The following NRDE2 variants were observed in gnomAD, a reference collection of about 807,000 sequenced individuals.
NRDE2 encodes the protein NRDE-2, necessary for RNA interference, domain containing.
NRDE2 carries 76 observed loss-of-function variants against 124.2 expected under a neutral mutation model. That is an observed-to-expected ratio of 0.61 (90% confidence interval 0.51 to 0.74). The LOEUF (loss-of-function observed/expected upper bound fraction) is 0.74. Ranked by LOEUF, NRDE2 falls within the 30% of genes least tolerant of loss-of-function variation. The pLI, the probability that NRDE2 is intolerant of heterozygous loss-of-function variation, is 0.00. For synonymous variants in NRDE2, 489 were observed against 528.1 expected, an observed-to-expected ratio of 0.93 and a Z score of 1.01; for missense variants, 1,314 against 1,417.3, an observed-to-expected ratio of 0.93 and a Z score of 1.17.
Position 90,326,517 on chromosome 14 carries a change from AAGAGAG to A in NRDE2, c.64+5318_64+5323del, listed in dbSNP as rs1555362500. On this transcript the variant is annotated intron_variant, in intron 1 of 13. Transcript: ENST00000354366. ...CTCTGTCTCAAAAAAAAAAAAAAAA[AAGAGAG>A]AGGGAAAATGTAGTTGCTCTTATAG... Among the ~76,000 whole-genome samples, 134 of 151,504 alleles carry A rather than the reference AAGAGAG, an allele frequency of 8.8e-4. 1 individual carries two copies. The highest frequency in any genetic ancestry group is 3.1e-3 in the African/African-American group (130 of 41,308).
At chr14:90,301,130 ACCACACCACCTCTCATTAT>A (rs947984378) in intron 7 of NRDE2, 90 bp downstream of exon 7, 79 of 1,104,098 alleles carry the variant, frequency 7.2e-5, no homozygotes, top group African/African-American at 2.6e-4. Context: ...TAAAAACACT[ACCACACCACCTCTCATTAT>A]CCACACCACC....
intron 8 of NRDE2, among the ~76,000 whole-genome samples, chr14:90,296,806 T>C (rs540370019): frequency 6.6e-6 from 1 of 152,256 alleles, no homozygotes; most frequent in South Asian, 2.1e-4. Context: ...TGCTGTCCAA[T>C]ACGTCACCAT....
chr14:90,304,602 T>TAACA, intron 4 of NRDE2: 1 of 491,628 alleles, frequency 2.0e-6, no homozygotes, highest in African/African-American at 1.9e-5. Flanking sequence ...AACTCTTCTT[T>TAACA]AACATCTCAT....
intron 1 of NRDE2, among the ~76,000 whole-genome samples, 195 bp from the exon 2 acceptor site, chr14:90,318,308 C>A (rs531693958): frequency 2.1e-4 from 32 of 152,280 alleles, no homozygotes; most frequent in South Asian, 2.1e-3. Flanking sequence ...GGCTTTAATA[C>A]CCTCTAAAAT....
chr14:90,268,121 C>G lies in NRDE2; in HGVS notation c.*10215G>C. The G allele has an allele frequency of 1.1e-6, 1 of 911,510 alleles. No individual in the cohort carries two copies. Among genetic ancestry groups the G allele is most frequent in the Non-Finnish European group, 1.6e-6 (1 of 624,432 alleles). 56.5% of individuals were successfully genotyped at this position (911,510 alleles called of 1,614,324 possible). Reference sequence around the variant, plus strand: ...GGTGCCATGCCTTAGCATGAGGGCCCGCCTGTTTTTGGTGTCCATTTAAGG... The same window carrying G: ...GGTGCCATGCCTTAGCATGAGGGCCGGCCTGTTTTTGGTGTCCATTTAAGG... On this transcript the variant is annotated 3_prime_UTR_variant, in exon 14 of 14. Coordinates refer to ENST00000354366, the MANE Select transcript of NRDE2 (RefSeq NM_017970.4).
In NRDE2 at chr14:90,277,699, A is replaced by T. The variant is rs1891835289; in HGVS notation, c.*637T>A. ...TGCCCCGGGCAGCCTTCCACACTCA[A>T]GTGGCCTGGGACCTGCTGAAGAGCG... is the stretch of plus-strand genomic sequence containing the variant. On this transcript the variant is annotated 3_prime_UTR_variant, in exon 14 of 14. Coordinates refer to ENST00000354366, the MANE Select transcript of NRDE2 (RefSeq NM_017970.4). The T allele has an allele frequency of 1.3e-5, 2 of 152,304 alleles. No individual in the cohort carries two copies. The highest frequency in any genetic ancestry group is 2.9e-5 in the Non-Finnish European group (2 of 68,114). The allele number at this position is 152,304 out of a possible 1,614,324, so 9.4% of individuals were successfully genotyped here. A position where few individuals can be genotyped will look rare whatever the true frequency, so the allele number is the denominator to read the frequency against.
At chr14:90,285,300 A>ATT (rs368420974) in intron 12 of NRDE2, among the ~76,000 whole-genome samples, 1,614 of 89,746 alleles carry the variant, frequency 0.018, 131 homozygotes, top group Non-Finnish European at 0.028. Context: ...GGAAATGTTG[A>ATT]TTTTTTTTTT....
chr14:90,282,752 C>G (rs1301054049), intron 12 of NRDE2, among the ~76,000 whole-genome samples: 1 of 152,022 alleles, frequency 6.6e-6, no homozygotes, highest in African/African-American at 2.4e-5. Context: ...ACCGCAACCT[C>G]CGCCTCCCGG....
intron 2 of NRDE2, among the ~76,000 whole-genome samples, 166 bp from the exon 3 acceptor site, chr14:90,316,977 G>A (rs1298804219): frequency 6.6e-6 from 1 of 152,120 alleles, no homozygotes; most frequent in Non-Finnish European, 1.5e-5. Flanking sequence ...CACCTCACCT[G>A]CAAGACTTAG....
At chr14:90,298,475 T>C (rs1884265530) in intron 7 of NRDE2, 95 bp from the exon 8 acceptor site, 5 of 1,256,808 alleles carry the variant, frequency 4.0e-6, no homozygotes, top group Middle Eastern at 2.0e-4. Flanking sequence ...GAGAAGCTTA[T>C]GATCCTTGAA....
At chr14:90,316,458 G>C in intron 3 of NRDE2, 120 bp downstream of exon 3, 1 of 700,668 alleles carries the variant, frequency 1.4e-6, no homozygotes, top group Non-Finnish European at 2.4e-6. Flanking sequence ...TGATATAATG[G>C]TAGAGCTCTC....
At position 90,303,196 on chromosome 14, in the gene NRDE2, T is replaced by C. The variant is rs868308687; in HGVS notation, c.1006-71A>G. 17 of 1,401,966 alleles carry C rather than the reference T, an allele frequency of 1.2e-5. No homozygotes were observed. In the African/African-American group the frequency reaches 1.7e-4, roughly 14 times the overall value. The allele number at this position is 1,401,966 out of a possible 1,614,324, so 86.8% of individuals were successfully genotyped here. ...GATCCTGAGTTTCAACAATGCTTAC[T>C]GATTTTCTTACCACCCCCTAGGGAC... On this transcript the variant is annotated intron_variant, in intron 5 of 13. Coordinates refer to ENST00000354366, the MANE Select transcript of NRDE2 (RefSeq NM_017970.4).
chr14:90,331,459 G>A (rs533773423), intron 1 of NRDE2, among the ~76,000 whole-genome samples: 15 of 152,350 alleles, frequency 9.8e-5, no homozygotes, highest in Middle Eastern at 3.4e-3. Flanking sequence ...AACAGGAAAG[G>A]AAGTAATATG....
chr14:90,310,270 T>A (rs1466274730), intron 4 of NRDE2, among the ~76,000 whole-genome samples: 1 of 152,128 alleles, frequency 6.6e-6, no homozygotes, highest in East Asian at 1.9e-4. Context: ...GCATGGGTGG[T>A]GAAAGAACAT....
intron 8 of NRDE2, among the ~76,000 whole-genome samples, chr14:90,296,413 A>T (rs1181977233): frequency 2.0e-5 from 3 of 152,150 alleles, no homozygotes; most frequent in Admixed American, 6.5e-5. Flanking sequence ...AGGGAAATCT[A>T]AACAGCTGAG....
rs1491397403 is a variant in NRDE2, at chr14:90,274,838, A to ACACACACCC, written c.*3497_*3498insGGGTGTGTG. 6.0e-5 allele frequency: 4 copies of ACACACACCC among 67,218 alleles called. No homozygotes were observed. The highest frequency in any genetic ancestry group is 3.2e-4 in the Admixed American group (2 of 6,240). The allele number at this position is 67,218 out of a possible 1,614,324, so 4.2% of individuals were successfully genotyped here. ...CACACACACACACACACACACACAC[A>ACACACACCC]CCCCAATACATATGAATTGATCTGA... On this transcript the variant is annotated 3_prime_UTR_variant, in exon 14 of 14. Coordinates refer to ENST00000354366, the MANE Select transcript of NRDE2 (RefSeq NM_017970.4).
intron 5 of NRDE2, among the ~76,000 whole-genome samples, chr14:90,303,412 C>A (rs560527163): frequency 3.1e-4 from 47 of 152,314 alleles, no homozygotes; most frequent in Non-Finnish European, 5.7e-4. Flanking sequence ...GCAGACCTTA[C>A]CAATAAAAGG....
chr14:90,313,896 A>G (rs1009286454), intron 3 of NRDE2, among the ~76,000 whole-genome samples: 2 of 152,236 alleles, frequency 1.3e-5, no homozygotes, highest in African/African-American at 4.8e-5. Flanking sequence ...AGATTTTAAC[A>G]CATTTCCCAA....
Position 90,316,637 on chromosome 14 carries a change from A to G in NRDE2, c.348T>C (p.Ser116=), listed in dbSNP as rs138730845. The change falls in exon 3 of 14, where the codon TCT becomes TCC. Residue 116 remains serine, a synonymous_variant. Coordinates refer to ENST00000354366, the MANE Select transcript of NRDE2 (RefSeq NM_017970.4). ...SSSRSETDTD[S]EKDKPSRGVG... ...CGCCTCTGGAAGGTTTGTCCTTTTCAGAATCGGTGTCTGTCTCAGACCTGC... is the reference window on the plus strand; with the variant it reads ...CGCCTCTGGAAGGTTTGTCCTTTTCGGAATCGGTGTCTGTCTCAGACCTGC... The G allele has an allele frequency of 1.3e-5, 21 of 1,614,046 alleles. No individual in the cohort carries two copies. Among genetic ancestry groups the G allele is most frequent in the Middle Eastern group, 3.3e-4 (2 of 6,084 alleles).
Sources: gnomAD v4.1 joint callset for allele counts (sites outside exome capture counted in the v4.1 genomes callset) on GRCh38, gnomAD v4.1.1 for gene constraint, MANE v1.5 for transcripts, NCBI Gene and HGNC (gene_info 2026-07-23, HGNC 2026-07-21) for gene names.